The following MGA variants were observed in gnomAD, a reference collection of about 807,000 sequenced individuals.
MGA encodes MAX gene-associated protein.
In MGA, 40 loss-of-function variants were observed where a neutral mutation model predicts 261.1. The observed-to-expected ratio is 0.15, with a 90% CI of 0.12 to 0.20. The LOEUF is 0.20. Among genes scored for constraint, MGA ranks in the 10% least tolerant of loss-of-function variants. The probability of loss-of-function intolerance (pLI) is 1.00; values close to 1 mark genes in which losing one functional copy is unlikely to be tolerated. For missense variants in MGA, 3,397 were observed against 3,630.5 expected, an observed-to-expected ratio of 0.94 and a Z score of 1.65; for synonymous variants, 1,302 against 1,290.6, an observed-to-expected ratio of 1.01 and a Z score of -0.19.
chr15:41,698,171 C>CT (rs11442137), intron 3 of MGA, among the ~76,000 whole-genome samples: 81,705 of 115,966 alleles, frequency 0.7, 30,552 homozygotes, highest in East Asian at 0.85. Flanking sequence ...CCCCTGGCCT[C>CT]TTTTTTTTTT....
intron 12 of MGA, among the ~76,000 whole-genome samples, chr15:41,735,372 AAT>A (rs1277482257): frequency 6.6e-6 from 1 of 152,220 alleles, no homozygotes; most frequent in Non-Finnish European, 1.5e-5. Context: ...GAAATGGAGC[AAT>A]CATATCTAGA....
At chr15:41,643,724 C>CT (rs1460523736) in intron 1 of MGA, among the ~76,000 whole-genome samples, 1 of 148,266 alleles carries the variant, frequency 6.7e-6, no homozygotes, top group African/African-American at 2.5e-5. Flanking sequence ...AGTCCAGGAT[C>CT]TTTTTTTATC....
rs200952707 is a variant in MGA, at chr15:41,729,342, A to C, written c.3836A>C (p.Asn1279Thr). 1.4e-4 allele frequency: 231 copies of C among 1,608,090 alleles called. 1 individual carries two copies. The highest frequency in any genetic ancestry group is 1.7e-4 in the Non-Finnish European group (204 of 1,177,958). Residue 1279 changes from asparagine (N) to threonine (T), a missense_variant, in exon 11 of 24, where the codon AAT becomes ACT. Physicochemically the swap from Asn to Thr is moderately conservative, Grantham distance 65. Coordinates refer to ENST00000219905, the MANE Select transcript of MGA (RefSeq NM_001164273.2). ...CATTCTAGCCCTGAGAACCATAATA[A>C]TGCAAAGGTGAGTTTCTTGTTGCAT... is the stretch of plus-strand genomic sequence containing the variant.
At chr15:41,748,487 C>A in intron 15 of MGA, 150 bp from the exon 16 acceptor site, 2 of 776,302 alleles carry the variant, frequency 2.6e-6, no homozygotes. Context: ...TAGGGAGGTG[C>A]GGAGGTTGTA....
intron 2 of MGA, chr15:41,684,334 A>G: frequency 4.5e-6 from 2 of 444,040 alleles, no homozygotes; most frequent in Non-Finnish European, 9.0e-6. Flanking sequence ...TGATTACATA[A>G]TGCCAACAAA....
At chr15:41,713,876 A>G (rs1470319165) in intron 9 of MGA, among the ~76,000 whole-genome samples, 1 of 152,206 alleles carries the variant, frequency 6.6e-6, no homozygotes, top group Non-Finnish European at 1.5e-5. Flanking sequence ...CATGTTTTCT[A>G]AAAGGAGAAG....
chr15:41,766,791 C>A lies in MGA; in HGVS notation c.8709C>A (p.His2903Gln). The change falls in exon 24 of 24, where the codon CAC becomes CAA. Residue 2903 changes from histidine (H) to glutamine (Q), a missense_variant. Around this residue, in one of 9 missense-constraint regions of MGA, gnomAD observed 647 missense variants for 642.4 expected, o/e 1.01. Coordinates refer to ENST00000219905, the MANE Select transcript of MGA (RefSeq NM_001164273.2). ...ACTCTATCAGTCCCCTCCTCTTGCA[C>A]TTGGAAGACGATGACTTTTCTGAGA... The A allele has an allele frequency of 6.2e-7, 1 of 1,614,014 alleles. No individual in the cohort carries two copies.
At chr15:41,708,247 A>G (rs749585138) in intron 7 of MGA, 39 bp downstream of exon 7, 3 of 1,347,290 alleles carry the variant, frequency 2.2e-6, no homozygotes, top group Admixed American at 2.3e-5. Flanking sequence ...GTTCTGAAAC[A>G]TGTAGCCAGA....
chr15:41,634,948 G>T (rs967990819), intron 1 of MGA, among the ~76,000 whole-genome samples: 2 of 152,176 alleles, frequency 1.3e-5, no homozygotes. Context: ...TTTTGCAGTG[G>T]TGATGAGAAT....
chr15:41,746,544 CAAAAAAAAAA>C (rs869061461), intron 15 of MGA, among the ~76,000 whole-genome samples: 7 of 61,854 alleles, frequency 1.1e-4, no homozygotes, highest in South Asian at 6.2e-4. Flanking sequence ...GACTTCGTCT[CAAAAAAAAAA>C]AAAAAAAAAA....
Position 41,760,250 on chromosome 15 carries a change from A to C in MGA, c.7192-73A>C. Reference sequence around the variant, plus strand: ...AGGTAATGAGTGCCTGAAATAGGGCAGTGTCATTTGAAACAGAGTAAGAGG... The same window carrying C: ...AGGTAATGAGTGCCTGAAATAGGGCCGTGTCATTTGAAACAGAGTAAGAGG... On this transcript the variant is annotated intron_variant, in intron 19 of 23. Transcript: ENST00000219905. 5 of 1,391,956 alleles carry C rather than the reference A, an allele frequency of 3.6e-6. No individual in the cohort carries two copies. The South Asian group carries it at 5.8e-5, about 16-fold the overall frequency. The allele number at this position is 1,391,956 out of a possible 1,614,324, so 86.2% of individuals were successfully genotyped here.
intron 13 of MGA, among the ~76,000 whole-genome samples, 185 bp downstream of exon 13, chr15:41,736,883 C>T (rs967533457): frequency 4.6e-5 from 7 of 152,094 alleles, no homozygotes; most frequent in African/African-American, 7.2e-5. Context: ...GAATTTTTGT[C>T]ACATTTATGA....
chr15:41,736,592 G>A lies in MGA; in HGVS notation c.4328G>A (p.Arg1443Lys), dbSNP rs372673477. 4 of 1,613,892 alleles carry A rather than the reference G, an allele frequency of 2.5e-6. No homozygotes were observed. The South Asian group carries it at 3.3e-5, about 13-fold the overall frequency. ...GATGCCCTGGATTCAGTGAGGGAGA[G>A]ATTACATGGAGGCAAAGGTCTGCCT... Residue 1443 changes from arginine (R) to lysine (K), a missense_variant, in exon 13 of 24, where the codon AGA becomes AAA. Transcript: ENST00000219905.
At chr15:41,735,064 C>T (rs539937819) in intron 12 of MGA, among the ~76,000 whole-genome samples, 9 of 152,168 alleles carry the variant, frequency 5.9e-5, no homozygotes, top group South Asian at 2.1e-4. Context: ...TTATGCTTCC[C>T]GAGACTTCTG....
intron 2 of MGA, among the ~76,000 whole-genome samples, chr15:41,683,903 T>C (rs1318783900): frequency 6.6e-6 from 1 of 152,042 alleles, no homozygotes; most frequent in Non-Finnish European, 1.5e-5. Context: ...TTGTTTTTTT[T>C]CCCTTTCCTT....
chr15:41,739,673 A>G (rs1030220342), intron 13 of MGA, among the ~76,000 whole-genome samples: 3 of 152,180 alleles, frequency 2.0e-5, no homozygotes, highest in Admixed American at 6.5e-5. Context: ...CCGATTCTCT[A>G]TTTTCAAACT....
intron 1 of MGA, among the ~76,000 whole-genome samples, chr15:41,660,870 C>T (rs2057356050): frequency 6.6e-6 from 1 of 152,166 alleles, no homozygotes; most frequent in African/African-American, 2.4e-5. Context: ...TGCCGCTCCG[C>T]GTGGTACGGT....
intron 1 of MGA, among the ~76,000 whole-genome samples, chr15:41,647,619 T>G (rs914491608): frequency 6.6e-6 from 1 of 152,180 alleles, no homozygotes; most frequent in Non-Finnish European, 1.5e-5. Flanking sequence ...TTTCCTAGAT[T>G]CTTTTTTCAC....
chr15:41,729,066 CTG>C (rs2061383596), intron 10 of MGA, 96 bp from the exon 11 acceptor site: 4 of 1,252,230 alleles, frequency 3.2e-6, no homozygotes, highest in Middle Eastern at 2.5e-4. Flanking sequence ...AAAATTTCGA[CTG>C]TTGTAATACA....
Sources: gnomAD v4.1 joint callset for allele counts (sites outside exome capture counted in the v4.1 genomes callset) on GRCh38, gnomAD v4.1.1 for gene constraint, gnomAD v4.1.1 regional missense constraint, MANE v1.5 for transcripts, NCBI Gene and HGNC (gene_info 2026-07-23, HGNC 2026-07-21) for gene names.